SLC26A8: variants seen among roughly 807,000 people sequenced by gnomAD.
SLC26A8 encodes the protein solute carrier family 26 member 8.
Under a neutral mutation model 105.0 loss-of-function variants are expected in SLC26A8, and 70 were observed. The ratio of observed to expected loss-of-function variants is 0.67; its 90% CI spans 0.55 to 0.81. The LOEUF (loss-of-function observed/expected upper bound fraction) is 0.81. Among genes scored for constraint, SLC26A8 ranks in the 40% least tolerant of loss-of-function variants. The pLI is 0.00. For synonymous variants in SLC26A8, 415 were observed against 438.3 expected (o/e 0.95, Z 0.66); for missense variants, 998 against 1,181.8 (o/e 0.84, Z 2.28).
chr6:35,955,270 C>T lies in SLC26A8; in HGVS notation c.2114G>A (p.Gly705Glu). ...PGLPDVAESQ[G>E]RRSLIPYSDA... ...TGAGTAAGGGATGAGTGATCTCCTCCCCTGGCTTTCCGCCACATCAGGCAG... is the reference window on the plus strand; with the variant it reads ...TGAGTAAGGGATGAGTGATCTCCTCTCCTGGCTTTCCGCCACATCAGGCAG... Residue 705 changes from glycine (G) to glutamate (E), a missense_variant, in exon 17 of 20, where the codon GGG becomes GAG. By Grantham distance (98) the Gly-to-Glu change is moderately conservative. Transcript: ENST00000490799. 6.2e-7 allele frequency: 1 copy of T among 1,614,096 alleles called. No homozygotes were observed. Among genetic ancestry groups the T allele is most frequent in the Non-Finnish European group, 8.5e-7 (1 of 1,179,954 alleles).
At chr6:35,978,137 G>A (rs1351477098) in intron 8 of SLC26A8, among the ~76,000 whole-genome samples, 72 of 123,390 alleles carry the variant, frequency 5.8e-4, no homozygotes, top group Non-Finnish European at 1.0e-3. Context: ...GACATAGACA[G>A]CACAAGAAGA....
chr6:35,975,767 G>C (rs943601577), intron 9 of SLC26A8, among the ~76,000 whole-genome samples: 2 of 151,818 alleles, frequency 1.3e-5, no homozygotes, highest in Non-Finnish European at 2.9e-5. Flanking sequence ...TACAAAATTT[G>C]CCAGGCATAG....
intron 16 of SLC26A8, among the ~76,000 whole-genome samples, chr6:35,957,895 T>C (rs989197383): frequency 1.3e-5 from 2 of 151,986 alleles, no homozygotes; most frequent in African/African-American, 4.8e-5. Context: ...CGTAAGCCAC[T>C]GCGCCTGGCC....
chr6:36,000,688 G>A (rs1270145754), intron 3 of SLC26A8, among the ~76,000 whole-genome samples: 1 of 152,148 alleles, frequency 6.6e-6, no homozygotes, highest in Non-Finnish European at 1.5e-5. Flanking sequence ...TCCTTTTGAT[G>A]TTTCAAGCCC....
Position 35,951,337 on chromosome 6 carries a change from G to C in SLC26A8, c.2298C>G (p.Val766=), listed in dbSNP as rs374245672. 1.3e-5 allele frequency: 21 copies of C among 1,613,928 alleles called. No homozygotes were observed. Among genetic ancestry groups the C allele is most frequent in the Non-Finnish European group, 1.8e-5 (21 of 1,180,038 alleles). Reference sequence around the variant, plus strand: ...AGAAATCATTCCTCTCAAATGCCCTGACTATGGAAGCTAAAAACCAAACCC... The same window carrying C: ...AGAAATCATTCCTCTCAAATGCCCTCACTATGGAAGCTAAAAACCAAACCC... ...ILIAGCHSSI[V]RAFERNDFFD... is the part of the protein sequence containing the mutation. Residue 766 remains valine (V), a synonymous_variant, in exon 19 of 20, where the codon GTC becomes GTG. Coordinates refer to ENST00000490799, the MANE Select transcript of SLC26A8 (RefSeq NM_052961.4).
intron 8 of SLC26A8, among the ~76,000 whole-genome samples, chr6:35,979,998 A>C (rs1773208100): frequency 6.6e-6 from 1 of 152,172 alleles, no homozygotes; most frequent in Non-Finnish European, 1.5e-5. Context: ...TTTTTGAGAT[A>C]GTCTCCCTCT....
In SLC26A8 at chr6:36,019,689, T is replaced by G. The variant is rs769670162; in HGVS notation, c.19A>C (p.Ser7Arg). The change falls in exon 2 of 20, where the codon AGC becomes CGC. Residue 7 changes from serine (S) to arginine (R), a missense_variant. By Grantham distance (110) the Ser-to-Arg change is moderately radical. Coordinates refer to ENST00000490799, the MANE Select transcript of SLC26A8 (RefSeq NM_052961.4). ...TTAGAGCTGAAGCCAGAGATGGCGC[T>G]CCTCTCTAGTTGTGCCATTCCTGGA... is the stretch of plus-strand genomic sequence containing the variant. MAQLER[S>R]AISGFSSKSR... The G allele has an allele frequency of 1.3e-5, 21 of 1,613,632 alleles. No individual in the cohort carries two copies. Among genetic ancestry groups the G allele is most frequent in the Non-Finnish European group, 1.8e-5 (21 of 1,179,744 alleles).
chr6:35,993,187 G>GGGTT (rs1488770765), intron 5 of SLC26A8, among the ~76,000 whole-genome samples: 1 of 50,072 alleles, frequency 2.0e-5, no homozygotes, highest in African/African-American at 6.9e-5. Flanking sequence ...GATAGAGATT[G>GGGTT]GAGGGGGGGG....
In SLC26A8 at chr6:35,960,848, G is replaced by A. The variant is rs371767526; in HGVS notation, c.1633C>T (p.Arg545Trp). The A allele has an allele frequency of 2.7e-5, 43 of 1,613,890 alleles. No individual in the cohort carries two copies. The highest frequency in any genetic ancestry group is 3.3e-5 in the South Asian group (3 of 91,070). Reference sequence around the variant, plus strand: ...GGACCCATTTGGATTCTTACCTCCCGATAATCATTGATGCTTCTATAAATG... The same window carrying A: ...GGACCCATTTGGATTCTTACCTCCCAATAATCATTGATGCTTCTATAAATG... ...TNIYRSINDY[R>W]EIITIPGVKI... is the part of the protein sequence containing the mutation. The change falls in exon 14 of 20, where the codon CGG becomes TGG. Residue 545 changes from arginine to tryptophan, a missense_variant. Transcript: ENST00000490799.
chr6:36,000,171 T>C (rs1394770006), intron 3 of SLC26A8, 63 bp from the exon 4 acceptor site: 1 of 1,042,122 alleles, frequency 9.6e-7, no homozygotes, highest in Admixed American at 1.9e-5. Flanking sequence ...AAATAAAAAC[T>C]GTAAAGAATA....
rs543017002 is a variant in SLC26A8 at position 36,006,175 on chromosome 6, AGTGGTGTG to A, written c.328+6050_328+6057del. ...CGCTCTGTTACCCAGGCTGGAATGC[AGTGGTGTG>A]ATCTCAGTTTACTGCAGCCTCTGCC... On this transcript the variant is annotated intron_variant, in intron 3 of 19. Transcript: ENST00000490799. 6.5e-3 allele frequency among the ~76,000 whole-genome samples: 983 copies of A among 152,126 alleles called. 3 individuals are homozygous for A. The highest frequency in any genetic ancestry group is 0.012 in the East Asian group (60 of 5,174).
intron 14 of SLC26A8, chr6:35,960,046 T>C: frequency 2.8e-6 from 1 of 351,546 alleles, no homozygotes; most frequent in Non-Finnish European, 5.1e-6. Flanking sequence ...GTAGCTGGGA[T>C]TACAGGCACC....
rs143531933 is a variant in SLC26A8, at chr6:35,951,591, G to T, written c.2233-92C>A. 9.5e-4 allele frequency: 1,355 copies of T among 1,428,862 alleles called. 3 individuals carry two copies. In the East Asian group the frequency reaches 0.014, roughly 14 times the overall value. The allele number at this position is 1,428,862 out of a possible 1,614,324, so 88.5% of individuals were successfully genotyped here. ...TAAGTTTTTGTCTTGTTTTGTTTTGGTTTTTTGTGACAGAGTCTCACTCTG... is the reference window on the plus strand; with the variant it reads ...TAAGTTTTTGTCTTGTTTTGTTTTGTTTTTTTGTGACAGAGTCTCACTCTG... On this transcript the variant is annotated intron_variant, in intron 17 of 19. Transcript: ENST00000490799.
chr6:35,957,647 C>T (rs1339833562), intron 16 of SLC26A8, among the ~76,000 whole-genome samples: 2 of 150,250 alleles, frequency 1.3e-5, no homozygotes, highest in African/African-American at 4.9e-5. Context: ...GCTCTTGTTG[C>T]CCAGGCTAGA....
chr6:35,989,975 T>C (rs1164614883), intron 7 of SLC26A8: 2 of 128,232 alleles, frequency 1.6e-5, no homozygotes, highest in Non-Finnish European at 3.2e-5. Context: ...TCTCGCTCTT[T>C]CACCCAAGCT....
At position 35,943,820 on chromosome 6, in the gene SLC26A8, C is replaced by G; in HGVS notation, c.*80G>C. 6.4e-7 allele frequency: 1 copy of G among 1,557,098 alleles called. No homozygotes were observed. Among genetic ancestry groups the G allele is most frequent in the East Asian group, 2.3e-5 (1 of 44,416 alleles). The stretch of plus-strand genomic sequence containing the variant: ...GAAGTACTGCTAGTTCGTATCCAGT[C>G]TAGGTCTCTGGACAATTGACCCCTT... On this transcript the variant is annotated 3_prime_UTR_variant, in exon 20 of 20. Coordinates refer to ENST00000490799, the MANE Select transcript of SLC26A8 (RefSeq NM_052961.4).
chr6:36,005,161 T>C (rs1761650915), intron 3 of SLC26A8, among the ~76,000 whole-genome samples: 1 of 152,132 alleles, frequency 6.6e-6, no homozygotes, highest in Non-Finnish European at 1.5e-5. Context: ...CACCTTAAAA[T>C]TTTCAAAAAT....
At position 35,959,704 on chromosome 6, in the gene SLC26A8, G is replaced by A. The variant is rs769559101; in HGVS notation, c.1731+10C>T. 1 of 1,606,200 alleles carries A rather than the reference G, an allele frequency of 6.2e-7. No individual in the cohort carries two copies. The highest frequency in any genetic ancestry group is 8.5e-7 in the Non-Finnish European group (1 of 1,177,326). ...GGCAGGTTGAGAAAGGCGGGCAGGAGGGCAGATACCTCTTTTAACAGCTTA... is the reference window on the plus strand; with the variant it reads ...GGCAGGTTGAGAAAGGCGGGCAGGAAGGCAGATACCTCTTTTAACAGCTTA... On this transcript the variant is annotated intron_variant, in intron 15 of 19. Transcript: ENST00000490799.
At chr6:35,959,948 G>A in intron 14 of SLC26A8, 142 bp from the exon 15 acceptor site, 1 of 657,234 alleles carries the variant, frequency 1.5e-6, no homozygotes, top group Non-Finnish European at 2.4e-6. Context: ...TCACTCTGTT[G>A]CCCAGGCTGG....
Sources: gnomAD v4.1 joint callset for allele counts (sites outside exome capture counted in the v4.1 genomes callset) on GRCh38, gnomAD v4.1.1 for gene constraint, MANE v1.5 for transcripts, NCBI Gene and HGNC (gene_info 2026-07-23, HGNC 2026-07-21) for gene names.